Variants in CTNNA2 observed in about 807,000 individuals in gnomAD.
CTNNA2 encodes the protein catenin alpha 2, also known as catenin alpha-2.
CTNNA2 carries 42 observed loss-of-function variants against 101.0 expected under a neutral mutation model. The observed-to-expected ratio is 0.42, with a 90% CI of 0.32 to 0.54. CTNNA2 has a LOEUF of 0.54. Among genes scored for constraint, CTNNA2 ranks in the 20% least tolerant of loss-of-function variants. The pLI is 0.14. For synonymous variants in CTNNA2, 450 were observed against 456.4 expected, an observed-to-expected ratio of 0.99 and a Z score of 0.18; for missense variants, 871 against 1,223.1, an observed-to-expected ratio of 0.71 and a Z score of 4.29.
At chr2:79,319,874 G>T (rs1374970517) in intron 3 of CTNNA2, 1 of 152,112 alleles carries the variant, frequency 6.6e-6, no homozygotes, top group African/African-American at 2.4e-5. Flanking sequence ...GAAGAAGAGA[G>T]CCCCACCCAC....
At chr2:80,588,039 T>C (rs1165724113) in intron 14 of CTNNA2, among the ~76,000 whole-genome samples, 1 of 152,198 alleles carries the variant, frequency 6.6e-6, no homozygotes, top group Non-Finnish European at 1.5e-5. Context: ...CAGCAGTAGA[T>C]TCCTCAGAGC....
chr2:79,675,982 G>T (rs934449631), intron 2 of CTNNA2, among the ~76,000 whole-genome samples: 1 of 152,138 alleles, frequency 6.6e-6, no homozygotes, highest in Non-Finnish European at 1.5e-5. Flanking sequence ...GAGTGTCAAG[G>T]TATTGGATCA....
intron 3 of CTNNA2, among the ~76,000 whole-genome samples, chr2:79,826,460 C>T (rs1261712035): frequency 6.6e-6 from 1 of 152,160 alleles, no homozygotes; most frequent in Admixed American, 6.6e-5. Context: ...GAGTAGAGGG[C>T]AGTTATAGGG....
chr2:80,084,596 AC>A lies in CTNNA2; in HGVS notation c.1056+174800del, dbSNP rs1699332948. Reference sequence around the variant, plus strand: ...TAAGTAGTTATTATATTGCTTACTGACTTGATTAATGAAAGCAAATTTCTGG... The same window carrying A: ...TAAGTAGTTATTATATTGCTTACTGATTGATTAATGAAAGCAAATTTCTGG... On this transcript the variant is annotated intron_variant, in intron 7 of 18. Coordinates refer to ENST00000402739, the MANE Select transcript of CTNNA2 (RefSeq NM_001282597.3). 3.3e-5 allele frequency among the ~76,000 whole-genome samples: 5 copies of A among 152,194 alleles called. No individual in the cohort carries two copies. In the South Asian group the frequency reaches 1.0e-3, roughly 32 times the overall value.
chr2:79,953,194 T>A (rs1326543414), intron 7 of CTNNA2, among the ~76,000 whole-genome samples: 1 of 152,200 alleles, frequency 6.6e-6, no homozygotes, highest in Non-Finnish European at 1.5e-5. Flanking sequence ...GAGTTGACCC[T>A]CACTCTCTTC....
intron 1 of CTNNA2, among the ~76,000 whole-genome samples, chr2:79,195,343 C>T (rs1339542256): frequency 6.6e-6 from 1 of 152,148 alleles, no homozygotes; most frequent in East Asian, 1.9e-4. Flanking sequence ...AGAGACTTCC[C>T]TTCTTCCTTC....
intron 4 of CTNNA2, among the ~76,000 whole-genome samples, chr2:79,380,435 T>C (rs886134230): frequency 6.6e-6 from 1 of 152,028 alleles, no homozygotes; most frequent in Non-Finnish European, 1.5e-5. Context: ...TCAAGCCAAC[T>C]GGGCCCTAAA....
chr2:80,502,061 A>T (rs374680301), intron 9 of CTNNA2, among the ~76,000 whole-genome samples: 5 of 152,312 alleles, frequency 3.3e-5, no homozygotes, highest in African/African-American at 1.2e-4. Context: ...AGAGAGGCCT[A>T]GGATTGAATC....
intron 7 of CTNNA2, among the ~76,000 whole-genome samples, chr2:80,112,975 C>T (rs573471215): frequency 2.0e-5 from 3 of 152,204 alleles, no homozygotes; most frequent in East Asian, 1.9e-4. Context: ...CTGTGAGTTG[C>T]GTAAAGGCTG....
At chr2:80,587,366 G>A (rs193144974) in intron 14 of CTNNA2, among the ~76,000 whole-genome samples, 183 of 152,166 alleles carry the variant, frequency 1.2e-3, no homozygotes, top group Admixed American at 3.5e-3. Flanking sequence ...ATGAGCCAGA[G>A]GGGTAGTTGG....
At chr2:79,988,832 A>G (rs975579653) in intron 7 of CTNNA2, among the ~76,000 whole-genome samples, 1 of 152,244 alleles carries the variant, frequency 6.6e-6, no homozygotes, top group Non-Finnish European at 1.5e-5. Context: ...CAAATGTTGC[A>G]TATCTGAGGC....
At chr2:79,387,238 G>A (rs560854746) in intron 4 of CTNNA2, among the ~76,000 whole-genome samples, 14 of 152,264 alleles carry the variant, frequency 9.2e-5, no homozygotes, top group African/African-American at 3.4e-4. Context: ...TGCGCTCTGG[G>A]CATGGGCTTT....
chr2:80,005,488 A>G (rs936187227), intron 7 of CTNNA2, among the ~76,000 whole-genome samples: 2 of 152,188 alleles, frequency 1.3e-5, no homozygotes, highest in Non-Finnish European at 2.9e-5. Flanking sequence ...ACTGGCAACT[A>G]ACATTCGCTG....
intron 7 of CTNNA2, among the ~76,000 whole-genome samples, chr2:80,142,669 T>C (rs1703087577): frequency 6.6e-6 from 1 of 152,156 alleles, no homozygotes; most frequent in Admixed American, 6.5e-5. Flanking sequence ...CAACCCACCT[T>C]ATTTTGTTGT....
intron 4 of CTNNA2, among the ~76,000 whole-genome samples, chr2:79,388,807 T>A (rs1407792347): frequency 6.6e-6 from 1 of 152,170 alleles, no homozygotes; most frequent in African/African-American, 2.4e-5. Flanking sequence ...TTTTTTATTA[T>A]TTTGCTATCC....
chr2:80,067,703 G>C (rs905966762), intron 7 of CTNNA2, among the ~76,000 whole-genome samples: 2 of 152,152 alleles, frequency 1.3e-5, no homozygotes, highest in Non-Finnish European at 1.5e-5. Context: ...GACTTTGGAG[G>C]CTAGGTCATA....
At chr2:80,505,312 T>C (rs1355494768) in intron 9 of CTNNA2, among the ~76,000 whole-genome samples, 1 of 152,218 alleles carries the variant, frequency 6.6e-6, no homozygotes, top group African/African-American at 2.4e-5. Context: ...GCTTATCTCT[T>C]GGTTTGCCTA....
chr2:80,286,041 A>G (rs991158900), intron 7 of CTNNA2, among the ~76,000 whole-genome samples: 1 of 152,122 alleles, frequency 6.6e-6, no homozygotes, highest in Non-Finnish European at 1.5e-5. Flanking sequence ...CAGGTGGCCT[A>G]ATATTGGTCC....
At chr2:79,640,552 A>G (rs973572461) in intron 1 of CTNNA2, among the ~76,000 whole-genome samples, 1 of 152,216 alleles carries the variant, frequency 6.6e-6, no homozygotes, top group Non-Finnish European at 1.5e-5. Context: ...CGTTCTCTAA[A>G]TAATACCAAG....
Sources: gnomAD v4.1 joint callset for allele counts (sites outside exome capture counted in the v4.1 genomes callset) on GRCh38, gnomAD v4.1.1 for gene constraint, MANE v1.5 for transcripts, NCBI Gene and HGNC (gene_info 2026-07-23, HGNC 2026-07-21) for gene names.